LRRC18: variants seen among roughly 807,000 people sequenced by gnomAD.
LRRC18 encodes the protein leucine-rich repeat-containing protein 18.
LRRC18 carries 12 observed loss-of-function variants against 11.2 expected under a neutral mutation model. The observed-to-expected ratio is 1.07, with a 90% CI of 0.69 to 1.74. The LOEUF (loss-of-function observed/expected upper bound fraction) is 1.74. Among genes scored for constraint, LRRC18 ranks in the 40% most tolerant of loss-of-function variants. The probability of loss-of-function intolerance (pLI) is 0.00; values close to 1 mark genes in which losing one functional copy is unlikely to be tolerated. For missense variants in LRRC18, 374 were observed against 330.5 expected (o/e 1.13, Z -1.02); for synonymous variants, 155 against 130.6 (o/e 1.19, Z -1.27).
upstream of LRRC18, among the ~76,000 whole-genome samples, chr10:48,914,744 C>T (rs1207073758): frequency 6.6e-6 from 1 of 152,188 alleles, no homozygotes; most frequent in Non-Finnish European, 1.5e-5. Context: ...CCCAGAGGAA[C>T]TAGTGAGGCC....
chr10:48,925,225 T>A, the LRRC18 span, among the ~76,000 whole-genome samples: 1 of 152,346 alleles, frequency 6.6e-6, no homozygotes, highest in Non-Finnish European at 1.5e-5. Flanking sequence ...AACTGTGACC[T>A]CCCGAGTGGC....
chr10:48,919,036 A>G (rs1056909588), upstream of LRRC18, among the ~76,000 whole-genome samples: 4 of 152,240 alleles, frequency 2.6e-5, no homozygotes, highest in Admixed American at 1.3e-4. Flanking sequence ...TTTCAAGTAC[A>G]TATGGAATAT....
chr10:48,938,638 C>T, the LRRC18 span, among the ~76,000 whole-genome samples: 1 of 152,192 alleles, frequency 6.6e-6, no homozygotes, highest in Admixed American at 6.5e-5. Context: ...AACTCAAGGG[C>T]ACTGATGCTG....
chr10:48,911,058 G>C (rs1395611807), intron 1 of LRRC18: 2 of 244,928 alleles, frequency 8.2e-6, no homozygotes. Context: ...TCTCTGCGTG[G>C]ACTCTATACC....
the LRRC18 span, among the ~76,000 whole-genome samples, chr10:48,923,520 A>ATATATATATATATATAT: frequency 3.0e-5 from 3 of 99,766 alleles, no homozygotes; most frequent in Non-Finnish European, 4.7e-5. Context: ...ATATGTCCCA[A>ATATATATATATATATAT]ATACCGCATA....
chr10:48,927,091 C>T, the LRRC18 span, among the ~76,000 whole-genome samples: 4 of 152,146 alleles, frequency 2.6e-5, no homozygotes, highest in East Asian at 1.9e-4. Flanking sequence ...GTATCAGGGG[C>T]GGCTGTATGC....
the LRRC18 span, among the ~76,000 whole-genome samples, chr10:48,927,623 T>G: frequency 7.9e-5 from 12 of 152,340 alleles, no homozygotes; most frequent in African/African-American, 2.6e-4. Context: ...CTGCCCCTAG[T>G]ATTATTTACT....
At chr10:48,938,983 T>C in the LRRC18 span, among the ~76,000 whole-genome samples, 5 of 152,056 alleles carry the variant, frequency 3.3e-5, no homozygotes, top group Non-Finnish European at 7.4e-5. Context: ...TTCATTCGAG[T>C]TCTTCTGTTC....
the LRRC18 span, among the ~76,000 whole-genome samples, chr10:48,938,258 C>T: frequency 4.9e-4 from 74 of 152,332 alleles, 1 homozygote; most frequent in Admixed American, 1.4e-3. Context: ...TGCATTAGCT[C>T]GGGGTCCCAG....
chr10:48,920,266 A>G, the LRRC18 span, among the ~76,000 whole-genome samples: 1 of 152,034 alleles, frequency 6.6e-6, no homozygotes, highest in African/African-American at 2.4e-5. Flanking sequence ...GCTAGAGCGG[A>G]CAAAAAACCA....
the LRRC18 span, among the ~76,000 whole-genome samples, chr10:48,930,436 A>C: frequency 6.6e-6 from 1 of 152,216 alleles, no homozygotes; most frequent in Non-Finnish European, 1.5e-5. Context: ...CCATGAGAAC[A>C]AGTGCACTAT....
chr10:48,938,577 G>C, the LRRC18 span, among the ~76,000 whole-genome samples: 1 of 152,212 alleles, frequency 6.6e-6, no homozygotes, highest in Non-Finnish European at 1.5e-5. Context: ...TGGAGGTGCT[G>C]TTTGGGTGGA....
At chr10:48,929,942 C>T in the LRRC18 span, among the ~76,000 whole-genome samples, 5 of 152,134 alleles carry the variant, frequency 3.3e-5, no homozygotes, top group East Asian at 7.7e-4. Context: ...CTGCACTTCT[C>T]CTCCAATAGC....
chr10:48,933,894 C>A, the LRRC18 span, among the ~76,000 whole-genome samples: 1 of 152,088 alleles, frequency 6.6e-6, no homozygotes, highest in Non-Finnish European at 1.5e-5. Flanking sequence ...ACCCTTGATA[C>A]TGGGTAACAG....
exon 1 of LRRC18, chr10:48,913,580 G>A: frequency 6.2e-7 from 1 of 1,614,102 alleles, no homozygotes; most frequent in Middle Eastern, 1.6e-4. Flanking sequence ...CCAGCCTCCT[G>A]ATGGAGTCTA....
At chr10:48,938,415 TGA>T in the LRRC18 span, among the ~76,000 whole-genome samples, 1 of 152,256 alleles carries the variant, frequency 6.6e-6, no homozygotes, top group Middle Eastern at 3.2e-3. Context: ...GTCCCTCGGC[TGA>T]GAGCCTTTGG....
chr10:48,926,247 C>T, the LRRC18 span, among the ~76,000 whole-genome samples: 1 of 152,192 alleles, frequency 6.6e-6, no homozygotes, highest in Non-Finnish European at 1.5e-5. Flanking sequence ...GCCACTAGCC[C>T]CTCCATGGCC....
exon 1 of LRRC18, chr10:48,913,780 C>T (rs768130694): frequency 3.1e-6 from 5 of 1,614,118 alleles, no homozygotes; most frequent in Non-Finnish European, 4.2e-6. Context: ...CCTAGGTTCA[C>T]AGCGCGGATG....
chr10:48,928,842 G>A, the LRRC18 span, among the ~76,000 whole-genome samples: 1 of 152,190 alleles, frequency 6.6e-6, no homozygotes, highest in Non-Finnish European at 1.5e-5. Flanking sequence ...GGACACAGCT[G>A]AACTTCCCAC....
Sources: allele counts gnomAD v4.1 joint callset (sites outside exome capture counted in the v4.1 genomes callset), GRCh38; gene constraint gnomAD v4.1.1; transcripts MANE v1.5; gene names NCBI Gene and HGNC (gene_info 2026-07-23, HGNC 2026-07-21).